Variants in PUS10 observed in about 807,000 individuals in gnomAD.
PUS10 encodes tRNA pseudouridine synthase Pus10.
Under a neutral mutation model 75.0 loss-of-function variants are expected in PUS10, and 59 were observed. That is an observed-to-expected ratio of 0.79 (90% CI 0.64 to 0.98). PUS10 has a LOEUF of 0.98. Among genes scored for constraint, PUS10 ranks in the 50% least tolerant of loss-of-function variants. The pLI, the probability that PUS10 is intolerant of heterozygous loss-of-function variation, is 0.00. For synonymous variants in PUS10, 219 were observed against 211.6 expected (o/e 1.03, Z -0.30); for missense variants, 650 against 614.4 (o/e 1.06, Z -0.61).
intron 17 of PUS10, among the ~76,000 whole-genome samples, chr2:60,944,475 G>A (rs960140389): frequency 1.3e-5 from 2 of 152,162 alleles, no homozygotes; most frequent in African/African-American, 2.4e-5. Context: ...AACACCACTC[G>A]TGACTCAACA....
chr2:60,944,564 T>G (rs1674822030), intron 17 of PUS10, among the ~76,000 whole-genome samples: 1 of 152,200 alleles, frequency 6.6e-6, no homozygotes, highest in African/African-American at 2.4e-5. Flanking sequence ...AATTTAACCT[T>G]GTTTCAATTC....
At chr2:61,006,820 C>T (rs1367936809) in intron 3 of PUS10, among the ~76,000 whole-genome samples, 177 bp from the exon 4 acceptor site, 2 of 152,152 alleles carry the variant, frequency 1.3e-5, no homozygotes, top group Non-Finnish European at 2.9e-5. Flanking sequence ...TAACTATGAC[C>T]CTGAAGACTA....
chr2:60,985,853 G>A (rs746683547), intron 4 of PUS10, among the ~76,000 whole-genome samples: 14 of 148,800 alleles, frequency 9.4e-5, no homozygotes, highest in Non-Finnish European at 1.0e-4. Context: ...CGTATCTAAT[G>A]GGTTTACTCT....
chr2:61,009,294 A>G (rs1441596780), intron 2 of PUS10, among the ~76,000 whole-genome samples: 1 of 152,200 alleles, frequency 6.6e-6, no homozygotes, highest in Admixed American at 6.5e-5. Context: ...AAAGGCTCCA[A>G]TACAAATTTA....
At chr2:60,989,239 T>C (rs759041401) in intron 4 of PUS10, among the ~76,000 whole-genome samples, 26 of 152,194 alleles carry the variant, frequency 1.7e-4, no homozygotes, top group South Asian at 6.2e-4. Flanking sequence ...AGGGTAGGAA[T>C]AAAGAAAATT....
chr2:60,989,647 T>TC (rs1203810010), intron 4 of PUS10, among the ~76,000 whole-genome samples: 2 of 152,048 alleles, frequency 1.3e-5, no homozygotes, highest in Non-Finnish European at 2.9e-5. Flanking sequence ...TTTTTTTTTT[T>TC]CTGAGACAGA....
intron 16 of PUS10, among the ~76,000 whole-genome samples, chr2:60,947,316 A>G (rs1675006336): frequency 6.6e-6 from 1 of 152,160 alleles, no homozygotes; most frequent in Non-Finnish European, 1.5e-5. Context: ...ATTCCCATCT[A>G]CTACCTGTGT....
At chr2:61,013,845 T>G (rs1679794051) in intron 1 of PUS10, among the ~76,000 whole-genome samples, 1 of 151,898 alleles carries the variant, frequency 6.6e-6, no homozygotes, top group African/African-American at 2.4e-5. Context: ...ACCAACATGG[T>G]GAAACCTTGT....
In PUS10 at chr2:60,962,882, G is replaced by A; in HGVS notation, c.732C>T (p.Phe244=). 1 of 1,567,946 alleles carries A rather than the reference G, an allele frequency of 6.4e-7. No homozygotes were observed. The highest frequency in any genetic ancestry group is 8.6e-7 in the Non-Finnish European group (1 of 1,163,586). Residue 244 remains phenylalanine, a synonymous_variant, in exon 9 of 18, where the codon TTC becomes TTT. Transcript: ENST00000316752. ...AGGCTTTCATAACTGCCATTCTAGT[G>A]AATACAGACTATATAGGGTAAAATG... The part of the protein sequence containing the change: ...FKPAKNKQSV[F]TRMAVMKALN...
At chr2:61,012,430 T>C (rs1679663351) in intron 1 of PUS10, among the ~76,000 whole-genome samples, 1 of 152,086 alleles carries the variant, frequency 6.6e-6, no homozygotes, top group Admixed American at 6.6e-5. Context: ...TGTCTCATTC[T>C]TCCCCAGACT....
Position 61,018,191 on chromosome 2 carries a change from T to G in PUS10, c.-199A>C. ...GCTTCTCTATCTTTAAAGCGTAGAC[T>G]TTGGTCTGTAGCAGTTGAGAGCGGC... On this transcript the variant is annotated 5_prime_UTR_variant, in exon 1 of 18. Transcript: ENST00000316752. 6.4e-7 allele frequency: 1 copy of G among 1,550,938 alleles called. No individual in the cohort carries two copies. The highest frequency in any genetic ancestry group is 8.7e-7 in the Non-Finnish European group (1 of 1,146,904).
chr2:60,994,299 A>C (rs1191957443), intron 4 of PUS10, among the ~76,000 whole-genome samples: 3 of 151,806 alleles, frequency 2.0e-5, no homozygotes, highest in African/African-American at 7.3e-5. Context: ...GTGGCTAAAA[A>C]CTTCATTGGG....
At chr2:60,963,032 A>G (rs1312042983) in intron 8 of PUS10, 142 bp from the exon 9 acceptor site, 9 of 1,362,098 alleles carry the variant, frequency 6.6e-6, no homozygotes, top group Non-Finnish European at 8.5e-6. Context: ...ATACTTAAGC[A>G]TTTCAAGAAA....
intron 7 of PUS10, 108 bp downstream of exon 7, chr2:60,965,315 T>C (rs1676269898): frequency 9.5e-7 from 1 of 1,049,320 alleles, no homozygotes. Context: ...TACTAAGACA[T>C]AACAAGTTCT....
chr2:60,989,900 C>T (rs946080312), intron 4 of PUS10, among the ~76,000 whole-genome samples: 2 of 152,266 alleles, frequency 1.3e-5, no homozygotes, highest in African/African-American at 2.4e-5. Context: ...GCTAAGATTA[C>T]AGGCATGAGC....
chr2:60,998,359 A>G (rs1044719573), intron 4 of PUS10, among the ~76,000 whole-genome samples: 1 of 152,182 alleles, frequency 6.6e-6, no homozygotes, highest in African/African-American at 2.4e-5. Flanking sequence ...TTAAGTAAAA[A>G]TCCAAAGCCA....
In PUS10 at chr2:60,959,466, C is replaced by G. The variant is rs566408013; in HGVS notation, c.1000+926G>C. Among the ~76,000 whole-genome samples the G allele has an allele frequency of 2.0e-5, 3 of 152,336 alleles. No individual in the cohort carries two copies. In the East Asian group the frequency reaches 5.8e-4, roughly 29 times the overall value. ...AGTGCAGTAGTGCGAGCTCAGCACA[C>G]TGCAACCTCTGCCTCCTGGGTTCAA... On this transcript the variant is annotated intron_variant, in intron 11 of 17. Coordinates refer to ENST00000316752, the MANE Select transcript of PUS10 (RefSeq NM_144709.4).
rs1674639145 is a variant in PUS10 at position 60,941,783 on chromosome 2, A to G, written c.*612T>C. 1 of 152,316 alleles carries G rather than the reference A, an allele frequency of 6.6e-6. No individual in the cohort carries two copies. Among genetic ancestry groups the G allele is most frequent in the African/African-American group, 2.4e-5 (1 of 41,444 alleles). The allele number at this position is 152,316 out of a possible 1,614,324, so 9.4% of individuals were successfully genotyped here. On this transcript the variant is annotated 3_prime_UTR_variant, in exon 18 of 18. Coordinates refer to ENST00000316752, the MANE Select transcript of PUS10 (RefSeq NM_144709.4). ...ATATTGACAATTTTAGATTGTCAAA[A>G]TTCTTTCTTAATGAAAGTATTAATG...
intron 4 of PUS10, among the ~76,000 whole-genome samples, chr2:60,974,128 T>C (rs954713441): frequency 1.3e-5 from 2 of 151,992 alleles, no homozygotes; most frequent in Non-Finnish European, 2.9e-5. Context: ...GCTGAACACT[T>C]ATCGGGACAC....
Sources: allele counts gnomAD v4.1 joint callset (sites outside exome capture counted in the v4.1 genomes callset), GRCh38; gene constraint gnomAD v4.1.1; transcripts MANE v1.5; gene names NCBI Gene and HGNC (gene_info 2026-07-23, HGNC 2026-07-21).